ZNF84: variants seen among roughly 807,000 people sequenced by gnomAD.
The protein encoded by ZNF84 is zinc finger protein HPF2.
A neutral mutation model predicts 14.8 loss-of-function variants in ZNF84; 12 were observed. The observed-to-expected ratio is 0.81, with a 90% CI of 0.52 to 1.31. The LOEUF is 1.31. Ranked by LOEUF, ZNF84 falls within the 50% of genes most tolerant of loss-of-function variation. The probability of loss-of-function intolerance (pLI) is 0.00; values close to 1 mark genes in which losing one functional copy is unlikely to be tolerated. For missense variants in ZNF84, 859 were observed against 878.6 expected (o/e 0.98, Z 0.28); for synonymous variants, 347 against 291.1 (o/e 1.19, Z -1.96).
intron 2 of ZNF84, among the ~76,000 whole-genome samples, chr12:133,045,990 C>G (rs1953972333): frequency 6.6e-6 from 1 of 151,660 alleles, no homozygotes; most frequent in African/African-American, 2.4e-5. Context: ...GATCTGTCTT[C>G]AAATTCTCTG....
intron 4 of ZNF84, 38 bp from the exon 5 acceptor site, chr12:133,056,916 A>T: frequency 6.6e-7 from 1 of 1,508,916 alleles, no homozygotes; most frequent in Non-Finnish European, 8.8e-7. Context: ...TGTTTTTAGA[A>T]AGCACAACCA....
At chr12:133,045,108 C>T (rs1362923804) in intron 2 of ZNF84, among the ~76,000 whole-genome samples, 1 of 152,144 alleles carries the variant, frequency 6.6e-6, no homozygotes, top group African/African-American at 2.4e-5. Flanking sequence ...ATTTTCCTCA[C>T]CCCAAAACAA....
At position 133,058,759 on chromosome 12, in the gene ZNF84, C is replaced by G; in HGVS notation, c.2044C>G (p.Pro682Ala). The G allele has an allele frequency of 6.2e-7, 1 of 1,613,900 alleles. No homozygotes were observed. The highest frequency in any genetic ancestry group is 8.5e-7 in the Non-Finnish European group (1 of 1,179,954). ...TCAAAGGACACATACGGGTGAGAAA[C>G]CCTATGGATGCAGTGAATGTAGGAA... ...PHQRTHTGEK[P>A]YGCSECRKAF... Residue 682 changes from proline to alanine, a missense_variant, in exon 5 of 5, where the codon CCC becomes GCC. Coordinates refer to ENST00000539354, the MANE Select transcript of ZNF84 (RefSeq NM_001289971.2).
chr12:133,049,829 A>G (rs1325314306), intron 4 of ZNF84, among the ~76,000 whole-genome samples: 1 of 151,968 alleles, frequency 6.6e-6, no homozygotes, highest in South Asian at 2.1e-4. Flanking sequence ...TTTTTTTTCT[A>G]TTGGGAAAGT....
intron 4 of ZNF84, among the ~76,000 whole-genome samples, chr12:133,050,193 G>A (rs1270101025): frequency 6.6e-5 from 10 of 152,182 alleles, no homozygotes; most frequent in African/African-American, 2.4e-4. Flanking sequence ...GTGAAGGATG[G>A]GCTGACGCTC....
chr12:133,043,383 G>A (rs1184843451), intron 2 of ZNF84, among the ~76,000 whole-genome samples: 7 of 151,820 alleles, frequency 4.6e-5, no homozygotes, highest in African/African-American at 7.3e-5. Context: ...CAGGCTGGTC[G>A]CGAACTCCTG....
chr12:133,043,000 C>T (rs778538250), intron 2 of ZNF84, among the ~76,000 whole-genome samples: 248 of 152,202 alleles, frequency 1.6e-3, no homozygotes, highest in Non-Finnish European at 2.3e-3. Flanking sequence ...CTTTATAGTT[C>T]TGCTCCTATC....
chr12:133,039,394 T>A (rs1361407275), intron 1 of ZNF84, among the ~76,000 whole-genome samples: 2 of 152,226 alleles, frequency 1.3e-5, no homozygotes, highest in Non-Finnish European at 2.9e-5. Flanking sequence ...TGTTTGTGCA[T>A]GTAGATATGC....
rs1954006104 is a variant in ZNF84 at position 133,047,695 on chromosome 12, T to C, written c.16-260T>C. 5 of 299,606 alleles carry C rather than the reference T, an allele frequency of 1.7e-5. No homozygotes were observed. The South Asian group carries it at 1.9e-4, about 12-fold the overall frequency. The allele number at this position is 299,606 out of a possible 1,614,324, so 18.6% of individuals were successfully genotyped here. On this transcript the variant is annotated intron_variant, in intron 2 of 4. Transcript: ENST00000539354. ...ATGTAGTTTACTATGGCACCTGTCTTCTCATGGCAGTACTCTGTTCCCAAA... is the reference window on the plus strand; with the variant it reads ...ATGTAGTTTACTATGGCACCTGTCTCCTCATGGCAGTACTCTGTTCCCAAA...
chr12:133,058,750 GGT>G lies in ZNF84; in HGVS notation c.2037_2038del (p.Lys681ThrfsTer6). On this transcript the variant is annotated frameshift_variant, in exon 5 of 5. Coordinates refer to ENST00000539354, the MANE Select transcript of ZNF84 (RefSeq NM_001289971.2). LOFTEE classifies it low-confidence loss of function (END_TRUNC). Reference protein sequence around the residue: ...HLIPHQRTHTGEKPYGCSECR... With the variant: ...HLIPHQRTHTXEKPYGCSECR... ...TATACCACATCAAAGGACACATACG[GGT>G]GAGAAACCCTATGGATGCAGTGAAT... is the stretch of plus-strand genomic sequence containing the variant. 1 of 1,613,898 alleles carries G rather than the reference GGT, an allele frequency of 6.2e-7. No individual in the cohort carries two copies. The highest frequency in any genetic ancestry group is 8.5e-7 in the Non-Finnish European group (1 of 1,179,936).
intron 2 of ZNF84, among the ~76,000 whole-genome samples, chr12:133,043,543 T>C (rs1953922845): frequency 6.6e-6 from 1 of 152,144 alleles, no homozygotes; most frequent in Admixed American, 6.5e-5. Flanking sequence ...GTTACTTTGA[T>C]CATTTCTTCT....
intron 4 of ZNF84, among the ~76,000 whole-genome samples, chr12:133,049,118 T>C (rs1300407267): frequency 6.6e-6 from 1 of 152,234 alleles, no homozygotes. Flanking sequence ...CATTTAGACG[T>C]AGCTTCTTTG....
intron 4 of ZNF84, chr12:133,050,560 G>A (rs1347982331): frequency 5.0e-6 from 2 of 398,498 alleles, no homozygotes; most frequent in Non-Finnish European, 8.8e-6. Context: ...TGCCTGTTCA[G>A]TTATTTCTTC....
At chr12:133,054,744 A>G (rs1458138273) in intron 4 of ZNF84, among the ~76,000 whole-genome samples, 1 of 151,786 alleles carries the variant, frequency 6.6e-6, no homozygotes, top group Non-Finnish European at 1.5e-5. Context: ...TAAAAATACA[A>G]TTTTTTTTAA....
At chr12:133,040,872 A>C (rs1953874570) in intron 1 of ZNF84, 1 of 152,240 alleles carries the variant, frequency 6.6e-6, no homozygotes, top group Non-Finnish European at 1.5e-5. Context: ...AGAAGATTTT[A>C]ATAGGAAATT....
intron 2 of ZNF84, among the ~76,000 whole-genome samples, chr12:133,046,868 T>C (rs1593701197): frequency 8.0e-6 from 1 of 124,702 alleles, no homozygotes; most frequent in Non-Finnish European, 1.6e-5. Flanking sequence ...ATGATATTTA[T>C]ATTATATATA....
rs1366422490 is a variant in ZNF84 at position 133,044,355 on chromosome 12, A to G, written c.15+2873A>G. Among the ~76,000 whole-genome samples, 4 of 146,810 alleles carry G rather than the reference A, an allele frequency of 2.7e-5. No individual in the cohort carries two copies. In the South Asian group the frequency reaches 6.4e-4, roughly 24 times the overall value. On this transcript the variant is annotated intron_variant, in intron 2 of 4. Transcript: ENST00000539354. ...TTTTTGGTAGTGACAGGTTCTCACT[A>G]TATTGCCCACGCTGGTCTGGAACTC...
rs1953885841 is a variant in ZNF84, at chr12:133,041,420, A to G, written c.-48A>G. 1 of 1,609,608 alleles carries G rather than the reference A, an allele frequency of 6.2e-7. No individual in the cohort carries two copies. The highest frequency in any genetic ancestry group is 8.5e-7 in the Non-Finnish European group (1 of 1,175,920). On this transcript the variant is annotated 5_prime_UTR_variant, in exon 2 of 5. Coordinates refer to ENST00000539354, the MANE Select transcript of ZNF84 (RefSeq NM_001289971.2). ...TGGGGCAGAAGCAGAAGAGACGCAC[A>G]GTAGAACCGATCTCAGCCTTGCTGA... is the stretch of plus-strand genomic sequence containing the variant.
chr12:133,044,544 A>G (rs1231438905), intron 2 of ZNF84, among the ~76,000 whole-genome samples: 1 of 152,128 alleles, frequency 6.6e-6, no homozygotes, highest in Non-Finnish European at 1.5e-5. Flanking sequence ...AAATTGTGGG[A>G]TCAGTTTCTT....
Sources: allele counts gnomAD v4.1 joint callset (sites outside exome capture counted in the v4.1 genomes callset), GRCh38; gene constraint gnomAD v4.1.1; transcripts MANE v1.5; gene names NCBI Gene and HGNC (gene_info 2026-07-23, HGNC 2026-07-21).